KCNH7: variants seen among roughly 807,000 people sequenced by gnomAD.
KCNH7 encodes potassium voltage-gated channel subfamily H member 7, also known as voltage-gated inwardly rectifying potassium channel KCNH7.
In KCNH7, 49 loss-of-function variants were observed where a neutral mutation model predicts 120.8. The ratio of observed to expected loss-of-function variants is 0.41; its 90% confidence interval spans 0.32 to 0.51. The LOEUF (loss-of-function observed/expected upper bound fraction) is 0.51, where lower values mean the gene tolerates loss of function less well. Among genes scored for constraint, KCNH7 ranks in the 20% least tolerant of loss-of-function variants. The pLI is 0.38. For missense variants in KCNH7, 1,097 were observed against 1,446.6 expected (o/e 0.76, Z 3.92); for synonymous variants, 547 against 516.1 (o/e 1.06, Z -0.81).
intron 6 of KCNH7, among the ~76,000 whole-genome samples, chr2:162,466,846 G>A (rs13395313): frequency 0.074 from 11,210 of 152,156 alleles, 1,315 homozygotes; most frequent in African/African-American, 0.25. Flanking sequence ...TGTGAAATGA[G>A]GAGAGGTGAT....
intron 7 of KCNH7, among the ~76,000 whole-genome samples, chr2:162,438,698 A>T (rs1022034103): frequency 6.6e-6 from 1 of 152,158 alleles, no homozygotes; most frequent in Non-Finnish European, 1.5e-5. Context: ...AATGTAACAG[A>T]TGCCTTGCCT....
chr2:162,603,300 TA>T (rs546131309), intron 2 of KCNH7, among the ~76,000 whole-genome samples: 4 of 152,232 alleles, frequency 2.6e-5, no homozygotes, highest in Admixed American at 2.6e-4. Context: ...TGGTGGTTTT[TA>T]TAATTTATTT....
chr2:162,589,500 C>T (rs1694131684), intron 2 of KCNH7, among the ~76,000 whole-genome samples: 1 of 151,330 alleles, frequency 6.6e-6, no homozygotes, highest in South Asian at 2.1e-4. Context: ...TTTAAAGAAA[C>T]AGAAATTGAA....
chr2:162,602,282 A>G (rs1016691744), intron 2 of KCNH7, among the ~76,000 whole-genome samples: 1 of 152,014 alleles, frequency 6.6e-6, no homozygotes, highest in African/African-American at 2.4e-5. Context: ...CAGGGCCTAG[A>G]TGAACTGGAA....
intron 2 of KCNH7, among the ~76,000 whole-genome samples, chr2:162,785,649 C>T (rs145069776): frequency 7.2e-4 from 109 of 152,016 alleles, no homozygotes; most frequent in Admixed American, 1.6e-3. Context: ...TTTATTTTCT[C>T]CTGTTTTGCA....
rs187602493 is a variant in KCNH7 at position 162,672,282 on chromosome 2, T to C, written c.308-135202A>G. The stretch of plus-strand genomic sequence containing the variant: ...GGCATAAAGTAACTTTTAGCAAATT[T>C]CAAGAGATTGAGTTTATGTACACCA... On this transcript the variant is annotated intron_variant, in intron 2 of 15. Coordinates refer to ENST00000332142, the MANE Select transcript of KCNH7 (RefSeq NM_033272.4). 5.8e-3 allele frequency among the ~76,000 whole-genome samples: 883 copies of C among 152,206 alleles called. 7 individuals are homozygous for C. The highest frequency in any genetic ancestry group is 0.01 in the Admixed American group (155 of 15,258).
intron 2 of KCNH7, among the ~76,000 whole-genome samples, chr2:162,676,836 C>T (rs1685545029): frequency 6.6e-6 from 1 of 151,406 alleles, no homozygotes; most frequent in Non-Finnish European, 1.5e-5. Flanking sequence ...GTGATAGAAT[C>T]ATACTCACTT....
chr2:162,811,676 C>T (rs1444846016), intron 2 of KCNH7, among the ~76,000 whole-genome samples: 1 of 152,060 alleles, frequency 6.6e-6, no homozygotes, highest in East Asian at 1.9e-4. Context: ...TATTACAAAA[C>T]CATTTCAAAA....
chr2:162,525,699 A>G (rs561835824), intron 3 of KCNH7, among the ~76,000 whole-genome samples: 1 of 152,110 alleles, frequency 6.6e-6, no homozygotes, highest in East Asian at 2.0e-4. Flanking sequence ...CTTAACCAAA[A>G]TTGAGCATGG....
chr2:162,502,220 T>C (rs1249087244), intron 6 of KCNH7: 1 of 152,106 alleles, frequency 6.6e-6, no homozygotes, highest in Non-Finnish European at 1.5e-5. Context: ...CACTCATTTA[T>C]TCAGCAAACA....
At chr2:162,625,931 T>TA (rs1683539316) in intron 2 of KCNH7, among the ~76,000 whole-genome samples, 1 of 151,950 alleles carries the variant, frequency 6.6e-6, no homozygotes, top group Non-Finnish European at 1.5e-5. Context: ...TTTGAAAATG[T>TA]AAAAAAAATT....
At chr2:162,474,276 G>A (rs1393152661) in intron 6 of KCNH7, among the ~76,000 whole-genome samples, 2 of 152,142 alleles carry the variant, frequency 1.3e-5, no homozygotes, top group African/African-American at 4.8e-5. Flanking sequence ...ATTTAATACT[G>A]TCTTTATGCA....
At position 162,577,390 on chromosome 2, in the gene KCNH7, TATCTATCC is replaced by T. The variant is rs1359794027; in HGVS notation, c.308-40318_308-40311del. Among the ~76,000 whole-genome samples, 394 of 138,780 alleles carry T rather than the reference TATCTATCC, an allele frequency of 2.8e-3. 6 individuals carry two copies. The highest frequency in any genetic ancestry group is 0.024 in the Admixed American group (326 of 13,720). The allele number at this position is 138,780 out of a possible 152,430, so 91.0% of individuals were successfully genotyped here. The stretch of plus-strand genomic sequence containing the variant: ...CTATCTATCTATCTATCTATCTATC[TATCTATCC>T]ATCTATCTATCTATCTATTCATAGG... On this transcript the variant is annotated intron_variant, in intron 2 of 15. Coordinates refer to ENST00000332142, the MANE Select transcript of KCNH7 (RefSeq NM_033272.4).
At chr2:162,748,461 T>A (rs994001963) in intron 2 of KCNH7, among the ~76,000 whole-genome samples, 2 of 152,126 alleles carry the variant, frequency 1.3e-5, no homozygotes, top group East Asian at 3.9e-4. Context: ...GATGAACAAT[T>A]TTTTTTTGTG....
intron 2 of KCNH7, among the ~76,000 whole-genome samples, chr2:162,713,448 T>C (rs1686998337): frequency 1.3e-5 from 2 of 152,042 alleles, no homozygotes; most frequent in African/African-American, 2.4e-5. Flanking sequence ...TTAAGAAAGA[T>C]AAAAAATGAG....
At chr2:162,814,964 C>T (rs1428952053) in intron 2 of KCNH7, among the ~76,000 whole-genome samples, 2 of 152,126 alleles carry the variant, frequency 1.3e-5, no homozygotes, top group Admixed American at 1.3e-4. Flanking sequence ...TTTCCTTACA[C>T]CTCAGGGTTT....
chr2:162,692,174 T>G (rs1014743848), intron 2 of KCNH7, among the ~76,000 whole-genome samples: 3 of 151,046 alleles, frequency 2.0e-5, no homozygotes, highest in Non-Finnish European at 4.4e-5. Context: ...CAGTCTGGAG[T>G]GCAGTGAGTA....
chr2:162,544,746 C>T (rs933797144), intron 2 of KCNH7, among the ~76,000 whole-genome samples: 1 of 152,126 alleles, frequency 6.6e-6, no homozygotes, highest in Admixed American at 6.6e-5. Context: ...TAATTCCCTT[C>T]TCCTGCCAAC....
chr2:162,640,679 G>A (rs548925022), intron 2 of KCNH7, among the ~76,000 whole-genome samples: 2 of 152,166 alleles, frequency 1.3e-5, no homozygotes, highest in East Asian at 1.9e-4. Flanking sequence ...AAGATGATAC[G>A]TGGAAGGAAA....
Sources: allele counts gnomAD v4.1 joint callset (sites outside exome capture counted in the v4.1 genomes callset), GRCh38; gene constraint gnomAD v4.1.1; transcripts MANE v1.5; gene names NCBI Gene and HGNC (gene_info 2026-07-23, HGNC 2026-07-21).